DSC1: variants seen among roughly 807,000 people sequenced by gnomAD.
DSC1 encodes desmocollin 1.
Under a neutral mutation model 98.8 loss-of-function variants are expected in DSC1, and 79 were observed. The ratio of observed to expected loss-of-function variants is 0.80; its 90% CI spans 0.67 to 0.96. DSC1 has a LOEUF of 0.96. DSC1 is among the 50% of genes least tolerant of loss of function. The pLI, the probability that DSC1 is intolerant of heterozygous loss-of-function variation, is 0.00. For missense variants in DSC1, 1,115 were observed against 1,075.9 expected (o/e 1.04, Z -0.51); for synonymous variants, 405 against 372.1 (o/e 1.09, Z -1.02).
chr18:31,132,042 T>C (rs1307890375), intron 14 of DSC1, 200 bp from the exon 15 acceptor site: 4 of 619,476 alleles, frequency 6.5e-6, no homozygotes, highest in Admixed American at 3.0e-5. Flanking sequence ...CCTCAGTAAC[T>C]CAGAATGTGA....
rs984666975 is a variant in DSC1, at chr18:31,134,759, T to G, written c.1689A>C (p.Leu563Phe). The G allele has an allele frequency of 1.2e-6, 2 of 1,612,082 alleles. No homozygotes were observed. Among genetic ancestry groups the G allele is most frequent in the African/African-American group, 1.3e-5 (1 of 74,894 alleles). ...CGTTGTAATCATCCAAATGAACTAC[T>G]AATGTTCCAGTGCAAGATCGGCCAA... ...DAVGRSCTGT[L>F]VVHLDDYNDH... Residue 563 changes from leucine to phenylalanine, a missense_variant, in exon 12 of 16, where the codon TTA (leucine) becomes TTC (phenylalanine). Physicochemically the swap from Leu to Phe is conservative, Grantham distance 22. Transcript: ENST00000257198.
intron 5 of DSC1, among the ~76,000 whole-genome samples, chr18:31,151,125 A>G (rs1255353267): frequency 2.6e-5 from 4 of 152,254 alleles, no homozygotes. Flanking sequence ...TTCAATGGAA[A>G]TGAAGATCAT....
intron 3 of DSC1, among the ~76,000 whole-genome samples, chr18:31,157,025 A>T (rs1300121464): frequency 6.6e-6 from 1 of 152,182 alleles, no homozygotes; most frequent in African/African-American, 2.4e-5. Context: ...TGGAGCCCAC[A>T]TCTCCAGCCT....
intron 5 of DSC1, among the ~76,000 whole-genome samples, chr18:31,153,448 T>A (rs1188303206): frequency 2.0e-5 from 3 of 152,166 alleles, no homozygotes; most frequent in African/African-American, 7.2e-5. Flanking sequence ...AAAGTAAAAG[T>A]GTGTTATATT....
Position 31,139,814 on chromosome 18 carries a change from GTACTTT to G in DSC1, c.1591_1596del (p.Lys531_Val532del). Reference sequence around the variant, plus strand: ...TTTACAAATTTGGATTCTCTATCTAGTACTTTTAGAGTTCTCAAGTCGCCAGTGTGT... The same window carrying G: ...TTTACAAATTTGGATTCTCTATCTAGTAGAGTTCTCAAGTCGCCAGTGTGT... On this transcript the variant is annotated inframe_deletion, in exon 11 of 16. Coordinates refer to ENST00000257198, the MANE Select transcript of DSC1 (RefSeq NM_024421.2). 6.2e-7 allele frequency: 1 copy of G among 1,612,164 alleles called. No individual in the cohort carries two copies. The highest frequency in any genetic ancestry group is 8.5e-7 in the Non-Finnish European group (1 of 1,179,288).
chr18:31,155,020 C>T (rs1989069359), intron 4 of DSC1, 91 bp from the exon 5 acceptor site: 3 of 1,400,830 alleles, frequency 2.1e-6, no homozygotes, highest in Admixed American at 4.2e-5. Flanking sequence ...TACCACTACC[C>T]CTCTTTCCTA....
At chr18:31,133,202 G>A (rs1988533393) in intron 13 of DSC1, among the ~76,000 whole-genome samples, 1 of 152,058 alleles carries the variant, frequency 6.6e-6, no homozygotes, top group Non-Finnish European at 1.5e-5. Flanking sequence ...AAATGCAAAT[G>A]GGTTCTTTGG....
intron 3 of DSC1, among the ~76,000 whole-genome samples, 199 bp downstream of exon 3, chr18:31,157,172 T>C (rs752736145): frequency 1.3e-5 from 2 of 152,236 alleles, no homozygotes; most frequent in Non-Finnish European, 2.9e-5. Flanking sequence ...TACAGAGTCA[T>C]TCATCTTTAT....
At position 31,156,148 on chromosome 18, in the gene DSC1, T is replaced by A. The variant is rs780995176; in HGVS notation, c.366A>T (p.Arg122Ser). 6.2e-7 allele frequency: 1 copy of A among 1,613,556 alleles called. No individual in the cohort carries two copies. Among genetic ancestry groups the A allele is most frequent in the Admixed American group, 1.7e-5 (1 of 59,860 alleles). The change falls in exon 4 of 16, where the codon AGA becomes AGT. Residue 122 changes from arginine (R) to serine (S), a missense_variant. Physicochemically the swap from Arg to Ser is moderately radical, Grantham distance 110. Transcript: ENST00000257198. ...GCTTGAGGGCTGTGTCTTTGGTATG[T>A]CTCTTCTTAGGAGACTACATTTGAC... ...SARENKSPKK[R>S]HTKDTALKRS...
chr18:31,138,237 C>T (rs1988653859), intron 11 of DSC1, among the ~76,000 whole-genome samples: 1 of 152,044 alleles, frequency 6.6e-6, no homozygotes, highest in African/African-American at 2.4e-5. Context: ...ACTTTGTTCT[C>T]CATAATTTTC....
At chr18:31,141,089 G>C (rs1988725094) in intron 9 of DSC1, among the ~76,000 whole-genome samples, 1 of 152,112 alleles carries the variant, frequency 6.6e-6, no homozygotes, top group African/African-American at 2.4e-5. Context: ...ATGTGAAACT[G>C]TAAGTCCAAT....
At chr18:31,134,463 T>C in intron 12 of DSC1, 109 bp downstream of exon 12, 3 of 1,027,588 alleles carry the variant, frequency 2.9e-6, no homozygotes, top group Non-Finnish European at 4.2e-6. Context: ...TTAGGGTTAA[T>C]AAAATAATTT....
chr18:31,137,663 C>A (rs531225609), intron 11 of DSC1, among the ~76,000 whole-genome samples: 26 of 151,606 alleles, frequency 1.7e-4, no homozygotes, highest in Non-Finnish European at 3.2e-4. Context: ...AGAAGCCACA[C>A]CATATATGAT....
At chr18:31,131,449 A>T in intron 15 of DSC1, 145 bp downstream of exon 15, 1 of 1,119,188 alleles carries the variant, frequency 8.9e-7, no homozygotes, top group Non-Finnish European at 1.3e-6. Context: ...CTTTGGGTTT[A>T]AACCAGACAT....
At chr18:31,148,731 A>G in intron 5 of DSC1, 89 bp from the exon 6 acceptor site, 1 of 638,704 alleles carries the variant, frequency 1.6e-6, no homozygotes, top group Non-Finnish European at 2.1e-6. Context: ...ATGTAACATT[A>G]AAAAAAAAAA....
Position 31,145,601 on chromosome 18 carries a change from T to A in DSC1, c.939+10A>T, listed in dbSNP as rs780156495. 2 of 1,613,516 alleles carry A rather than the reference T, an allele frequency of 1.2e-6. No homozygotes were observed. The highest frequency in any genetic ancestry group is 1.7e-6 in the Non-Finnish European group (2 of 1,179,616). On this transcript the variant is annotated intron_variant, in intron 7 of 15. Transcript: ENST00000257198. ...GTTCAATGACTAGATAGTTAATTAA[T>A]CATCATTACTTCTCTATCCAGAAAA...
intron 7 of DSC1, among the ~76,000 whole-genome samples, chr18:31,144,922 T>C (rs1482369495): frequency 6.7e-6 from 1 of 149,022 alleles, no homozygotes; most frequent in Non-Finnish European, 1.5e-5. Context: ...GGGAACCGTC[T>C]GTATTTTCTT....
At chr18:31,150,285 C>CCAT (rs1988951159) in intron 5 of DSC1, among the ~76,000 whole-genome samples, 1 of 124,660 alleles carries the variant, frequency 8.0e-6, no homozygotes, top group African/African-American at 3.0e-5. Context: ...ACCATCACCA[C>CCAT]CACCACCACT....
At chr18:31,146,354 G>C (rs12606538) in intron 6 of DSC1, among the ~76,000 whole-genome samples, 31,417 of 152,090 alleles carry the variant, frequency 0.21, 3,887 homozygotes, top group East Asian at 0.56. Flanking sequence ...CTTTCTGTTT[G>C]TGTGTTAATT....
Sources: gnomAD v4.1 joint callset for allele counts (sites outside exome capture counted in the v4.1 genomes callset) on GRCh38, gnomAD v4.1.1 for gene constraint, MANE v1.5 for transcripts, NCBI Gene and HGNC (gene_info 2026-07-23, HGNC 2026-07-21) for gene names.